AK8: variants seen among roughly 807,000 people sequenced by gnomAD.
AK8 encodes the protein adenylate kinase 8, also known as ATP-AMP transphosphorylase 8.
In AK8, 44 loss-of-function variants were observed where a neutral mutation model predicts 54.6. That is an observed-to-expected ratio of 0.81 (90% CI 0.63 to 1.04). The LOEUF (loss-of-function observed/expected upper bound fraction) is 1.04. AK8 is among the 50% of genes least tolerant of loss of function. AK8 has a pLI of 0.00. For missense variants in AK8, 555 were observed against 613.6 expected, an observed-to-expected ratio of 0.90 and a Z score of 1.01; for synonymous variants, 239 against 245.6, an observed-to-expected ratio of 0.97 and a Z score of 0.25.
intron 5 of AK8, among the ~76,000 whole-genome samples, chr9:132,843,344 T>C (rs1842617666): frequency 6.6e-6 from 1 of 152,114 alleles, no homozygotes; most frequent in Non-Finnish European, 1.5e-5. Context: ...TGCTCCCCCT[T>C]CACCTTCTGC....
At chr9:132,852,347 T>C (rs1233658590) in intron 5 of AK8, among the ~76,000 whole-genome samples, 3 of 152,040 alleles carry the variant, frequency 2.0e-5, no homozygotes, top group Non-Finnish European at 4.4e-5. Context: ...CGGTGGCTCA[T>C]GCTAGTAATC....
At chr9:132,739,863 G>T (rs1193289295) in intron 11 of AK8, among the ~76,000 whole-genome samples, 2 of 152,276 alleles carry the variant, frequency 1.3e-5, no homozygotes, top group Non-Finnish European at 2.9e-5. Context: ...GGGGAGGAAG[G>T]CAGGTTGATT....
chr9:132,756,821 G>A (rs1286233186), intron 11 of AK8, among the ~76,000 whole-genome samples: 1 of 151,876 alleles, frequency 6.6e-6, no homozygotes, highest in South Asian at 2.1e-4. Context: ...CCCATAAAAC[G>A]ACTCACTCAA....
rs373573287 is a variant in AK8 at position 132,770,462 on chromosome 9, G to A, written c.1121+22172C>T. Among the ~76,000 whole-genome samples the A allele has an allele frequency of 9.5e-4, 144 of 152,222 alleles. No homozygotes were observed. Among genetic ancestry groups the A allele is most frequent in the African/African-American group, 3.1e-3 (129 of 41,570 alleles). ...AACGCTGGCTGGGGTAGGGGGTGGG[G>A]CAGGGGCGAGGGGACACCCTGTGGA... On this transcript the variant is annotated intron_variant, in intron 11 of 12. Coordinates refer to ENST00000298545, the MANE Select transcript of AK8 (RefSeq NM_152572.3). This position sits in a 1 kb window ranked among gnomAD's most constrained non-coding sequence, Gnocchi z 4.3.
chr9:132,828,172 G>GT lies in AK8; in HGVS notation c.485-89dup, dbSNP rs1841956281. The GT allele has an allele frequency of 4.8e-6, 6 of 1,238,880 alleles. No individual in the cohort carries two copies. The East Asian group carries it at 1.3e-4, about 27-fold the overall frequency. 76.7% of individuals were successfully genotyped at this position (1,238,880 alleles called of 1,614,324 possible). On this transcript the variant is annotated intron_variant, in intron 6 of 12. Transcript: ENST00000298545. Reference sequence around the variant, plus strand: ...TATCACAGACCAATACTTGCTTTACGTTTTTTGCTTTTCTGTATAATGACA... The same window carrying GT: ...TATCACAGACCAATACTTGCTTTACGTTTTTTTGCTTTTCTGTATAATGACA...
chr9:132,804,716 C>T (rs373881901), intron 10 of AK8, among the ~76,000 whole-genome samples: 64 of 152,298 alleles, frequency 4.2e-4, no homozygotes, highest in African/African-American at 1.5e-3. Context: ...AGCTGCAGGG[C>T]GTGGTCCCCG....
At chr9:132,800,060 G>A (rs1219452286) in intron 10 of AK8, among the ~76,000 whole-genome samples, 3 of 152,170 alleles carry the variant, frequency 2.0e-5, no homozygotes, top group African/African-American at 4.8e-5. Flanking sequence ...TGAAAGAAGC[G>A]GGGCTCGCAT....
At chr9:132,797,875 C>T (rs1227096418) in intron 10 of AK8, among the ~76,000 whole-genome samples, 2 of 152,240 alleles carry the variant, frequency 1.3e-5, no homozygotes, top group Non-Finnish European at 2.9e-5. Flanking sequence ...TCCTGTAACT[C>T]CACCAGTTCC....
chr9:132,847,759 T>A (rs1842806034), intron 5 of AK8, among the ~76,000 whole-genome samples: 1 of 152,114 alleles, frequency 6.6e-6, no homozygotes, highest in African/African-American at 2.4e-5. Flanking sequence ...GACATGTGGA[T>A]CACTTAAGCA....
intron 10 of AK8, among the ~76,000 whole-genome samples, chr9:132,793,061 A>G (rs947734614): frequency 3.9e-5 from 4 of 103,720 alleles, no homozygotes; most frequent in Admixed American, 1.0e-4. Context: ...ATGTGAGCAG[A>G]TTGTCCCCCT....
At position 132,725,807 on chromosome 9, in the gene AK8, CT is replaced by C. The variant is rs752974633; in HGVS notation, c.1320del (p.Ala441LeufsTer71). On this transcript the variant is annotated frameshift_variant, in exon 13 of 13. Coordinates refer to ENST00000298545, the MANE Select transcript of AK8 (RefSeq NM_152572.3). LOFTEE classifies it high-confidence loss of function. Reference protein sequence around the residue: ...KLKMDLFYRNSADLEQLYGSA... With the variant: ...KLKMDLFYRNXADLEQLYGSA... ...GACCCATACAACTGCTCCAAGTCAG[CT>C]GAGTTCCTGTAGAACAGGTCCATTT... 60 of 1,606,514 alleles carry C rather than the reference CT, an allele frequency of 3.7e-5. No individual in the cohort carries two copies. In the African/African-American group the frequency reaches 7.2e-4, roughly 19 times the overall value.
chr9:132,877,885 C>G (rs1844202473), intron 1 of AK8: 2 of 701,578 alleles, frequency 2.9e-6, no homozygotes, highest in Non-Finnish European at 5.0e-6. Context: ...AGGACTGGTT[C>G]CAGACCATAA....
intron 11 of AK8, chr9:132,727,746 A>C: frequency 3.8e-6 from 2 of 530,726 alleles, no homozygotes; most frequent in Non-Finnish European, 6.8e-6. Context: ...CCTTCATCTG[A>C]CTCTCACACC....
intron 11 of AK8, among the ~76,000 whole-genome samples, chr9:132,777,865 A>C (rs999671465): frequency 5.9e-5 from 9 of 152,218 alleles, no homozygotes; most frequent in African/African-American, 1.9e-4. Context: ...CCCACCCCCA[A>C]CACACGCCCC....
rs1840318793 is a variant in AK8, at chr9:132,799,063, C to A, written c.980-6288G>T. Among the ~76,000 whole-genome samples, 1 of 152,186 alleles carries A rather than the reference C, an allele frequency of 6.6e-6. No individual in the cohort carries two copies. The highest frequency in any genetic ancestry group is 2.1e-4 in the South Asian group (1 of 4,832). ...TGGCTTCAGTCACCCTCGGTCACAT[C>A]CAGCTCCAGAGCTGATGGGTGTGAG... On this transcript the variant is annotated intron_variant, in intron 10 of 12. Coordinates refer to ENST00000298545, the MANE Select transcript of AK8 (RefSeq NM_152572.3). This position sits in a 1 kb window ranked among gnomAD's most constrained non-coding sequence, Gnocchi z 5.0.
intron 5 of AK8, among the ~76,000 whole-genome samples, chr9:132,839,088 C>T (rs747958599): frequency 4.6e-5 from 7 of 152,084 alleles, no homozygotes; most frequent in East Asian, 1.9e-4. Context: ...GGATTACAGG[C>T]GCCCACCACC....
In AK8 at chr9:132,837,952, C is replaced by T. The variant is rs1842392609; in HGVS notation, c.403-9226G>A. On this transcript the variant is annotated intron_variant, in intron 5 of 12. Coordinates refer to ENST00000298545, the MANE Select transcript of AK8 (RefSeq NM_152572.3). This position sits in a 1 kb window ranked among gnomAD's most constrained non-coding sequence, Gnocchi z 4.3. Reference sequence around the variant, plus strand: ...TAACTGCATCTGTATTTGAGGAACACACAGCCAGGGCCTCAGCAGAGCTGT... The same window carrying T: ...TAACTGCATCTGTATTTGAGGAACATACAGCCAGGGCCTCAGCAGAGCTGT... 6.6e-6 allele frequency among the ~76,000 whole-genome samples: 1 copy of T among 152,232 alleles called. No homozygotes were observed. Among genetic ancestry groups the T allele is most frequent in the Non-Finnish European group, 1.5e-5 (1 of 68,046 alleles).
chr9:132,855,989 A>C (rs1388417759), intron 4 of AK8, among the ~76,000 whole-genome samples: 1 of 152,086 alleles, frequency 6.6e-6, no homozygotes, highest in Non-Finnish European at 1.5e-5. Flanking sequence ...GGCCCTTTTC[A>C]TAGAGGAGGA....
intron 4 of AK8, 27 bp downstream of exon 4, chr9:132,863,638 T>C (rs1295744024): frequency 6.5e-7 from 1 of 1,542,122 alleles, no homozygotes; most frequent in Non-Finnish European, 9.0e-7. Flanking sequence ...GCTGTGTGCC[T>C]ACCCCTGTCC....
Sources: allele counts gnomAD v4.1 joint callset (sites outside exome capture counted in the v4.1 genomes callset), GRCh38; gene constraint gnomAD v4.1.1; non-coding constraint Gnocchi (gnomAD v3.1); transcripts MANE v1.5; gene names NCBI Gene and HGNC (gene_info 2026-07-23, HGNC 2026-07-21).